The following NRBP1 variants were observed in gnomAD, a reference collection of about 807,000 sequenced individuals.
NRBP1 encodes nuclear receptor binding protein 1.
A neutral mutation model predicts 76.0 loss-of-function variants in NRBP1; 10 were observed. That is an observed-to-expected ratio of 0.13 (90% CI 0.08 to 0.22). The LOEUF is 0.22. NRBP1 is among the 10% of genes least tolerant of loss of function. The pLI, the probability that NRBP1 is intolerant of heterozygous loss-of-function variation, is 1.00. For synonymous variants in NRBP1, 235 were observed against 240.2 expected, an observed-to-expected ratio of 0.98 and a Z score of 0.20; for missense variants, 344 against 646.0, an observed-to-expected ratio of 0.53 and a Z score of 5.07.
intron 11 of NRBP1, 89 bp from the exon 12 acceptor site, chr2:27,440,314 A>G: frequency 1.1e-6 from 1 of 918,084 alleles, no homozygotes; most frequent in South Asian, 1.4e-5. Flanking sequence ...AGGCCTCCAA[A>G]GGGATTCTTT....
At chr2:27,428,444 A>T (rs1663948464), upstream of NRBP1, 1 of 388,332 alleles carries the variant, frequency 2.6e-6, no homozygotes, top group African/African-American at 2.1e-5. Context: ...TGGGACCGAA[A>T]ACATCGACCC....
At chr2:27,435,279 A>G in intron 7 of NRBP1, 52 bp downstream of exon 7, 1 of 1,499,634 alleles carries the variant, frequency 6.7e-7, no homozygotes, top group Non-Finnish European at 9.3e-7. Flanking sequence ...TTTGGGAACC[A>G]TGGGGGTAAG....
In NRBP1 at chr2:27,433,403, G is replaced by C; in HGVS notation, c.130G>C (p.Glu44Gln). Residue 44 changes from glutamate (E) to glutamine (Q), a missense_variant, in exon 2 of 18, where the codon GAG becomes CAG. Glu to Gln is a conservative substitution (Grantham distance 29). Around this residue, in one of 3 missense-constraint regions of NRBP1, gnomAD observed 53 missense variants for 48.4 expected, o/e 1.09. Transcript: ENST00000379852. ...CTCCACAACCTCAGCTGCTTCCCCA[G>C]AGGAAGAAGAAGAAAGTGAAGATGA... The part of the protein sequence containing the change: ...VTSTTSAASP[E>Q]EEEESEDESE... 6.2e-7 allele frequency: 1 copy of C among 1,614,216 alleles called. No individual in the cohort carries two copies. The highest frequency in any genetic ancestry group is 8.5e-7 in the Non-Finnish European group (1 of 1,180,046).
intron 1 of NRBP1, among the ~76,000 whole-genome samples, chr2:27,430,532 CA>C (rs1664073591): frequency 6.6e-6 from 1 of 150,712 alleles, no homozygotes; most frequent in Non-Finnish European, 1.5e-5. Flanking sequence ...GCAGTGGCGC[CA>C]TCTGGGCTCA....
chr2:27,433,141 A>C, intron 1 of NRBP1, 113 bp from the exon 2 acceptor site: 1 of 681,342 alleles, frequency 1.5e-6, no homozygotes, highest in Non-Finnish European at 2.5e-6. Flanking sequence ...AGCCTCCCAA[A>C]GTGCTGGGAT....
upstream of NRBP1, chr2:27,428,453 C>A (rs1663948953): frequency 5.1e-6 from 2 of 390,540 alleles, no homozygotes; most frequent in Admixed American, 8.9e-5. Context: ...AAACATCGAC[C>A]CCTCCGAGAG....
chr2:27,434,144 T>C (rs1664216501), intron 4 of NRBP1, 54 bp downstream of exon 4: 1 of 1,307,986 alleles, frequency 7.6e-7, no homozygotes, highest in Admixed American at 1.8e-5. Context: ...ACTAGCTACA[T>C]TTATTATTGT....
upstream of NRBP1, chr2:27,428,344 A>G (rs578116731): frequency 1.0e-4 from 28 of 280,926 alleles, no homozygotes; most frequent in Non-Finnish European, 1.5e-4. Context: ...GGCGCCTTCA[A>G]GAAGAGGTAG....
At chr2:27,431,227 G>A (rs1664103768) in intron 1 of NRBP1, among the ~76,000 whole-genome samples, 1 of 152,216 alleles carries the variant, frequency 6.6e-6, no homozygotes, top group South Asian at 2.1e-4. Flanking sequence ...TTGAACCTGG[G>A]AGGCGGAGGT....
At chr2:27,437,607 C>G (rs563038742) in intron 10 of NRBP1, among the ~76,000 whole-genome samples, 2 of 152,232 alleles carry the variant, frequency 1.3e-5, no homozygotes, top group Non-Finnish European at 2.9e-5. Flanking sequence ...CATGGTGGCT[C>G]ACGCCTGTAA....
intron 10 of NRBP1, among the ~76,000 whole-genome samples, chr2:27,438,731 G>A (rs1028595381): frequency 2.6e-5 from 4 of 152,308 alleles, no homozygotes; most frequent in African/African-American, 9.6e-5. Flanking sequence ...AGGCTGAGGT[G>A]GGAGGATCAC....
chr2:27,442,161 C>T lies in NRBP1; in HGVS notation c.*349C>T. ...GAATTCTACAATCCCGCTGGGGCGG[C>T]CGGGGCGGGAGAGAAAGGTGGTGCT... On this transcript the variant is annotated 3_prime_UTR_variant, in exon 18 of 18. Transcript: ENST00000379852. 1 of 530,768 alleles carries T rather than the reference C, an allele frequency of 1.9e-6. No individual in the cohort carries two copies. The highest frequency in any genetic ancestry group is 3.8e-5 in the Admixed American group (1 of 26,408). The allele number at this position is 530,768 out of a possible 1,614,324, so 32.9% of individuals were successfully genotyped here.
chr2:27,428,037 ATT>A (rs1360595075), upstream of NRBP1: 6 of 152,222 alleles, frequency 3.9e-5, no homozygotes, highest in African/African-American at 1.4e-4. Context: ...AGGTTTTTGC[ATT>A]TGTCAACTAC....
Position 27,433,659 on chromosome 2 carries a change from G to T in NRBP1, c.211-14G>T. On this transcript the variant is annotated splice_polypyrimidine_tract_variant and intron_variant, in intron 2 of 17. Coordinates refer to ENST00000379852, the MANE Select transcript of NRBP1 (RefSeq NM_013392.4). ...AGATAAGTTTAATTCTCTTTCATAT[G>T]AATTTCTTCTCAGGTGAATCAACGG... 1.2e-6 allele frequency: 2 copies of T among 1,614,070 alleles called. No individual in the cohort carries two copies. Among genetic ancestry groups the T allele is most frequent in the Non-Finnish European group, 1.7e-6 (2 of 1,179,968 alleles).
intron 7 of NRBP1, chr2:27,436,203 G>C: frequency 4.4e-6 from 1 of 226,544 alleles, no homozygotes; most frequent in Non-Finnish European, 8.8e-6. Context: ...ATTCTGAGCT[G>C]TTTTGAGTTT....
chr2:27,440,904 T>G lies in NRBP1; in HGVS notation c.1293T>G (p.Thr431=). 3 of 1,613,850 alleles carry G rather than the reference T, an allele frequency of 1.9e-6. No individual in the cohort carries two copies. Among genetic ancestry groups the G allele is most frequent in the Non-Finnish European group, 2.5e-6 (3 of 1,180,034 alleles). Reference sequence around the variant, plus strand: ...CTGTCGTGCCCCCCTCTGTCAAGACTCCGACACCTGAACCAGCTGAGGTGG... The same window carrying G: ...CTGTCGTGCCCCCCTCTGTCAAGACGCCGACACCTGAACCAGCTGAGGTGG... ...TSPVVPPSVK[T]PTPEPAEVET... The change falls in exon 14 of 18, where the codon ACT becomes ACG. Residue 431 remains threonine, a synonymous_variant. Transcript: ENST00000379852.
upstream of NRBP1, chr2:27,428,469 G>C (rs1021965313): frequency 3.3e-5 from 13 of 392,878 alleles, no homozygotes; most frequent in Non-Finnish European, 4.9e-5. Flanking sequence ...GAGAGGTCTC[G>C]GCCGGACCGG....
chr2:27,439,945 C>G (rs965599439), intron 11 of NRBP1, 47 bp downstream of exon 11: 1 of 1,503,274 alleles, frequency 6.7e-7, no homozygotes, highest in Non-Finnish European at 9.0e-7. Flanking sequence ...ATCTGGAGCC[C>G]TGTAACTATC....
At chr2:27,432,327 G>C (rs1664142927) in intron 1 of NRBP1, among the ~76,000 whole-genome samples, 1 of 152,194 alleles carries the variant, frequency 6.6e-6, no homozygotes, top group South Asian at 2.1e-4. Context: ...TCCTGGGAGG[G>C]TCATCTTCAA....
Sources: gnomAD v4.1 joint callset for allele counts (sites outside exome capture counted in the v4.1 genomes callset) on GRCh38, gnomAD v4.1.1 for gene constraint, gnomAD v4.1.1 regional missense constraint, MANE v1.5 for transcripts, NCBI Gene and HGNC (gene_info 2026-07-23, HGNC 2026-07-21) for gene names.